The following ATP7A variants were observed in gnomAD, a reference collection of about 807,000 sequenced individuals.
ATP7A encodes copper-transporting ATPase 1.
ATP7A carries 7 observed loss-of-function variants against 83.5 expected under a neutral mutation model. The ratio of observed to expected loss-of-function variants is 0.08; its 90% CI spans 0.05 to 0.16. The LOEUF is 0.16. Among genes scored for constraint, ATP7A ranks in the 10% least tolerant of loss-of-function variants. The pLI is 1.00. For synonymous variants in ATP7A, 354 were observed against 395.2 expected (o/e 0.90, Z 1.24); for missense variants, 940 against 1,120.8 (o/e 0.84, Z 2.30).
At chrX:77,923,782 G>T (rs1292860348) in intron 1 of ATP7A, 1 of 111,062 alleles carries the variant, frequency 9.0e-6, no homozygotes, top group Non-Finnish European at 1.9e-5. Context: ...GTGTGTATGT[G>T]TGCACAGCCT....
In ATP7A at chrX:77,989,773, A is replaced by G. The variant is rs782029320; in HGVS notation, c.1151A>G (p.Asp384Gly). The change falls in exon 4 of 23, where the codon GAT (aspartate) becomes GGT (glycine). Residue 384 changes from aspartate (D) to glycine (G), a missense_variant. Transcript: ENST00000341514. ...PLTQETVINI[D>G]GMTCNSCVQS... ...ACACAAGAAACTGTGATAAACATTG[A>G]TGGCATGACTTGTAATTCCTGTGTG... 8.3e-7 allele frequency: 1 copy of G among 1,211,486 alleles called. No individual in the cohort carries two copies. The highest frequency in any genetic ancestry group is 1.8e-5 in the South Asian group (1 of 56,971).
At chrX:77,944,459 T>G (rs1445286552) in intron 1 of ATP7A, among the ~76,000 whole-genome samples, 1 of 111,338 alleles carries the variant, frequency 9.0e-6, no homozygotes, top group Admixed American at 9.7e-5. Context: ...AAAATTTTTT[T>G]AGAGACAGGG....
chrX:77,931,869 G>C (rs1459146635), intron 1 of ATP7A, among the ~76,000 whole-genome samples: 1 of 94,842 alleles, frequency 1.1e-5, no homozygotes, highest in African/African-American at 4.0e-5. Context: ...CGGGCAGAGG[G>C]GCTCCTCACT....
At position 77,988,467 on chromosome X, in the gene ATP7A, A is replaced by G. The variant is rs1557231611; in HGVS notation, c.346A>G (p.Ile116Val). Reference sequence around the variant, plus strand: ...GCTGAAGACCAAGGGTGTGACAGACATTAAAATTTACCCTCAGAAAAGAAC... The same window carrying G: ...GCTGAAGACCAAGGGTGTGACAGACGTTAAAATTTACCCTCAGAAAAGAAC... ...TLLKTKGVTD[I>V]KIYPQKRTVA... is the part of the protein sequence containing the mutation. The change falls in exon 3 of 23, where the codon ATT becomes GTT. Residue 116 changes from isoleucine to valine, a missense_variant. Transcript: ENST00000341514. 6 of 1,209,966 alleles carry G rather than the reference A, an allele frequency of 5.0e-6. No individual in the cohort carries two copies. Among genetic ancestry groups the G allele is most frequent in the African/African-American group, 3.5e-5 (2 of 57,191 alleles).
At chrX:78,029,840 G>A (rs1246436253) in intron 15 of ATP7A, among the ~76,000 whole-genome samples, 6 of 111,617 alleles carry the variant, frequency 5.4e-5, no homozygotes, top group Non-Finnish European at 9.4e-5. Context: ...TTGCAGTGCC[G>A]TTTCTTTGCC....
At position 77,948,059 on chromosome X, in the gene ATP7A, A is replaced by ATATTTATT. The variant is rs200263608; in HGVS notation, c.-21-23525_-21-23518dup. Among the ~76,000 whole-genome samples the ATATTTATT allele has an allele frequency of 6.8e-3, 635 of 94,045 alleles. 3 individuals are homozygous for ATATTTATT. Among genetic ancestry groups the ATATTTATT allele is most frequent in the Non-Finnish European group, 9.3e-3 (445 of 48,047 alleles). The allele number at this position is 94,045 out of a possible 115,157, so 81.7% of individuals were successfully genotyped here. ...CTGGCCATTTTACCACAATTTAAAA[A>ATATTTATT]TATTTATTTATTTATTTATTTATTT... On this transcript the variant is annotated intron_variant, in intron 1 of 22. Transcript: ENST00000341514.
At chrX:78,015,471 G>T (rs888093887) in intron 11 of ATP7A, among the ~76,000 whole-genome samples, 17 of 112,021 alleles carry the variant, frequency 1.5e-4, no homozygotes, top group Non-Finnish European at 3.0e-4. Flanking sequence ...ACATAATAAA[G>T]AAATTTTTAG....
At chrX:77,945,232 C>T (rs1297189531) in intron 1 of ATP7A, among the ~76,000 whole-genome samples, 4 of 111,591 alleles carry the variant, frequency 3.6e-5, no homozygotes, top group Admixed American at 9.6e-5. Context: ...GGCTGGAGTG[C>T]AGTGGTGACA....
chrX:78,046,833 C>T lies in ATP7A; in HGVS notation c.*263C>T, dbSNP rs1557239198. 1.6e-5 allele frequency: 5 copies of T among 319,011 alleles called. No individual in the cohort carries two copies. The highest frequency in any genetic ancestry group is 5.4e-6 in the Non-Finnish European group (1 of 186,221). The allele number at this position is 319,011 out of a possible 1,213,427, so 26.3% of individuals were successfully genotyped here. ...GTAGAGCAGTGAGGTTTACAACAAG[C>T]CCTACAATTAGAGATTGCTGAACTG... On this transcript the variant is annotated 3_prime_UTR_variant, in exon 23 of 23. Transcript: ENST00000341514.
At position 78,029,275 on chromosome X, in the gene ATP7A, C is replaced by T. The variant is rs781941647; in HGVS notation, c.2942C>T (p.Thr981Ile). ...FPGYNRSISRTETIIRFAFQA... is the reference protein window; with the variant it reads ...FPGYNRSISRIETIIRFAFQA... ...GGCTACAATAGAAGTATCTCCCGAACAGAAACGATAATACGATTTGCTTTC... is the reference window on the plus strand; with the variant it reads ...GGCTACAATAGAAGTATCTCCCGAATAGAAACGATAATACGATTTGCTTTC... The change falls in exon 15 of 23, where the codon ACA (threonine) becomes ATA (isoleucine). Residue 981 changes from threonine (T) to isoleucine (I), a missense_variant. Around this residue, in one of 3 missense-constraint regions of ATP7A, gnomAD observed 386 missense variants for 502.2 expected, o/e 0.77. Transcript: ENST00000341514. 1 of 1,211,261 alleles carries T rather than the reference C, an allele frequency of 8.3e-7. No homozygotes were observed.
At chrX:77,930,985 CTTTT>C (rs1180844779) in intron 1 of ATP7A, among the ~76,000 whole-genome samples, 10 of 34,947 alleles carry the variant, frequency 2.9e-4, no homozygotes, top group African/African-American at 1.0e-3. Flanking sequence ...TAGGAACATT[CTTTT>C]TTTTTTTTTT....
chrX:77,972,103 T>C (rs1305751010), intron 2 of ATP7A, among the ~76,000 whole-genome samples: 1 of 111,359 alleles, frequency 9.0e-6, no homozygotes, highest in Non-Finnish European at 1.9e-5. Context: ...TGGGTTAGGG[T>C]TTTCTTTTTC....
Position 78,042,680 on chromosome X carries a change from G to A in ATP7A, c.3897G>A (p.Val1299=). The change falls in exon 20 of 23, where the codon GTG becomes GTA. Residue 1299 remains valine, a synonymous_variant. Transcript: ENST00000341514. ...LQEEGKRVAM[V]GDGINDSPAL... ...AGGAGGGGAAACGGGTAGCAATGGT[G>A]GGAGATGGAATCAATGACTCCCCAG... is the stretch of plus-strand genomic sequence containing the variant. 1 of 1,211,750 alleles carries A rather than the reference G, an allele frequency of 8.3e-7. No individual in the cohort carries two copies. The highest frequency in any genetic ancestry group is 1.1e-6 in the Non-Finnish European group (1 of 895,494).
chrX:78,021,472 A>G (rs2077905133), intron 14 of ATP7A, among the ~76,000 whole-genome samples: 1 of 111,792 alleles, frequency 8.9e-6, no homozygotes, highest in South Asian at 3.7e-4. Flanking sequence ...GTGAGGTTTT[A>G]ATAATACCCA....
At chrX:78,005,913 C>T (rs374727975) in intron 6 of ATP7A, among the ~76,000 whole-genome samples, 4 of 110,108 alleles carry the variant, frequency 3.6e-5, no homozygotes, top group Admixed American at 9.8e-5. Flanking sequence ...TTTTCATATA[C>T]GAAGAACTTT....
chrX:77,915,104 C>T (rs1557222370), intron 1 of ATP7A, among the ~76,000 whole-genome samples: 3 of 111,594 alleles, frequency 2.7e-5, no homozygotes. Flanking sequence ...TGCTTGAGCC[C>T]AGGCGTTCGA....
intron 21 of ATP7A, among the ~76,000 whole-genome samples, 159 bp downstream of exon 21, chrX:78,043,593 A>G (rs1276790363): frequency 1.8e-5 from 2 of 110,360 alleles, no homozygotes; most frequent in Admixed American, 1.9e-4. Context: ...TTTAATTTTC[A>G]GTAATGTTTG....
intron 2 of ATP7A, among the ~76,000 whole-genome samples, chrX:77,978,338 G>A (rs1453474002): frequency 1.8e-5 from 2 of 110,839 alleles, no homozygotes; most frequent in Non-Finnish European, 3.8e-5. Flanking sequence ...TATAGGGATG[G>A]CTTCTTGGAA....
At chrX:78,020,780 C>T (rs1462741865) in intron 13 of ATP7A, among the ~76,000 whole-genome samples, 165 bp from the exon 14 acceptor site, 1 of 111,761 alleles carries the variant, frequency 8.9e-6, no homozygotes, top group Non-Finnish European at 1.9e-5. Context: ...CTTAGTCTCT[C>T]AAAGTGTTGG....
Sources: allele counts gnomAD v4.1 joint callset (sites outside exome capture counted in the v4.1 genomes callset), GRCh38; gene constraint gnomAD v4.1.1; regional missense constraint gnomAD v4.1.1; transcripts MANE v1.5; gene names NCBI Gene and HGNC (gene_info 2026-07-23, HGNC 2026-07-21).